EPHB1: variants seen among roughly 807,000 people sequenced by gnomAD.
The protein encoded by EPHB1 is ephrin type-B receptor 1.
EPHB1 carries 30 observed loss-of-function variants against 94.4 expected under a neutral mutation model. The ratio of observed to expected loss-of-function variants is 0.32; its 90% CI spans 0.24 to 0.43. The LOEUF is 0.43. Ranked by LOEUF, EPHB1 falls within the 20% of genes least tolerant of loss-of-function variation. The probability of loss-of-function intolerance (pLI) is 1.00; values close to 1 mark genes in which losing one functional copy is unlikely to be tolerated. For missense variants in EPHB1, 1,055 were observed against 1,308.3 expected (o/e 0.81, Z 2.99); for synonymous variants, 522 against 489.1 (o/e 1.07, Z -0.89).
chr3:135,044,324 T>C (rs1474604635), intron 3 of EPHB1, among the ~76,000 whole-genome samples: 1 of 152,200 alleles, frequency 6.6e-6, no homozygotes, highest in Non-Finnish European at 1.5e-5. Flanking sequence ...AAGCCATGCT[T>C]TCCTGGCAGG....
chr3:134,919,142 T>C (rs531268592), intron 1 of EPHB1, among the ~76,000 whole-genome samples: 7 of 152,172 alleles, frequency 4.6e-5, no homozygotes, highest in Admixed American at 6.5e-5. Context: ...GAAAGAACCA[T>C]TGGAATATGG....
chr3:135,033,631 A>G (rs1474688175), intron 3 of EPHB1, among the ~76,000 whole-genome samples: 2 of 152,218 alleles, frequency 1.3e-5, no homozygotes, highest in Non-Finnish European at 2.9e-5. Context: ...TCTTCTTCGT[A>G]ATGGATTTTG....
At chr3:135,058,861 G>A (rs1323916899) in intron 3 of EPHB1, among the ~76,000 whole-genome samples, 3 of 152,036 alleles carry the variant, frequency 2.0e-5, no homozygotes, top group Non-Finnish European at 4.4e-5. Flanking sequence ...TTCTTATTAC[G>A]GTGTACTTTT....
intron 9 of EPHB1, among the ~76,000 whole-genome samples, chr3:135,177,227 G>A (rs766742849): frequency 1.3e-5 from 2 of 152,180 alleles, no homozygotes; most frequent in Non-Finnish European, 2.9e-5. Flanking sequence ...AGGTTTGGGG[G>A]CCCTGACCTC....
At chr3:135,191,636 A>ATTT (rs35439364) in intron 10 of EPHB1, among the ~76,000 whole-genome samples, 19 of 145,218 alleles carry the variant, frequency 1.3e-4, no homozygotes, top group Admixed American at 3.5e-4. Context: ...GATTCAACAG[A>ATTT]TTTTTTTTTT....
At position 135,077,418 on chromosome 3, in the gene EPHB1, C is replaced by A. The variant is rs1156544161; in HGVS notation, c.806-29030C>A. Among the ~76,000 whole-genome samples, 5 of 152,348 alleles carry A rather than the reference C, an allele frequency of 3.3e-5. No individual in the cohort carries two copies. In the East Asian group the frequency reaches 9.6e-4, roughly 29 times the overall value. On this transcript the variant is annotated intron_variant, in intron 3 of 15. Transcript: ENST00000398015. ...CCTTTGACTTGCAGTCACAGACTTGCCCCTCTCCCTGCTCTGATGTCAGCC... is the reference window on the plus strand; with the variant it reads ...CCTTTGACTTGCAGTCACAGACTTGACCCTCTCCCTGCTCTGATGTCAGCC...
chr3:135,115,464 G>T (rs1939655958), intron 4 of EPHB1, among the ~76,000 whole-genome samples: 2 of 152,174 alleles, frequency 1.3e-5, no homozygotes, highest in African/African-American at 4.8e-5. Context: ...CCAGGCAGGA[G>T]GAGGCCTTGC....
Position 135,259,266 on chromosome 3 carries a change from T to TTA in EPHB1, c.*146_*147insTA. ...TCAGTGAAGAATCAACCGGACCTGTTGCTAGCAGGCAATCTCCATTTCTCA... is the reference window on the plus strand; with the variant it reads ...TCAGTGAAGAATCAACCGGACCTGTTTAGCTAGCAGGCAATCTCCATTTCTCA... On this transcript the variant is annotated 3_prime_UTR_variant, in exon 16 of 16. Transcript: ENST00000398015. 1 of 587,616 alleles carries TTA rather than the reference T, an allele frequency of 1.7e-6. No homozygotes were observed. The highest frequency in any genetic ancestry group is 2.9e-6 in the Non-Finnish European group (1 of 341,684). 36.4% of individuals were successfully genotyped at this position (587,616 alleles called of 1,614,324 possible). A position where few individuals can be genotyped will look rare whatever the true frequency, so the allele number is the denominator to read the frequency against.
chr3:134,889,521 T>C (rs993680707), intron 1 of EPHB1, among the ~76,000 whole-genome samples: 4 of 152,106 alleles, frequency 2.6e-5, no homozygotes, highest in Non-Finnish European at 5.9e-5. Context: ...ATTTCTAAAC[T>C]GTATATTTTA....
intron 3 of EPHB1, among the ~76,000 whole-genome samples, chr3:135,044,456 G>C (rs2107767762): frequency 6.6e-6 from 1 of 152,318 alleles, no homozygotes; most frequent in African/African-American, 2.4e-5. Context: ...CTGCTGACTA[G>C]TGTGCTGCAA....
At chr3:134,990,224 C>A (rs927472292) in intron 3 of EPHB1, among the ~76,000 whole-genome samples, 17 of 152,320 alleles carry the variant, frequency 1.1e-4, no homozygotes, top group Admixed American at 9.2e-4. Context: ...AAGTCTGAAG[C>A]TAACCTATGT....
At chr3:135,033,638 T>C (rs532483164) in intron 3 of EPHB1, among the ~76,000 whole-genome samples, 1 of 152,322 alleles carries the variant, frequency 6.6e-6, no homozygotes, top group South Asian at 2.1e-4. Flanking sequence ...CGTAATGGAT[T>C]TTGATCGCCT....
chr3:135,022,062 C>T (rs1936003288), intron 3 of EPHB1, among the ~76,000 whole-genome samples: 1 of 152,206 alleles, frequency 6.6e-6, no homozygotes, highest in East Asian at 1.9e-4. Flanking sequence ...TCACTGCAAG[C>T]TCTGCCTCCT....
intron 6 of EPHB1, among the ~76,000 whole-genome samples, chr3:135,155,541 C>T (rs1941325728): frequency 6.6e-6 from 1 of 152,040 alleles, no homozygotes; most frequent in Non-Finnish European, 1.5e-5. Flanking sequence ...CAGTGGCTCA[C>T]ACCTGCAATC....
intron 1 of EPHB1, among the ~76,000 whole-genome samples, chr3:134,813,083 G>A (rs1055205684): frequency 6.6e-6 from 1 of 152,176 alleles, no homozygotes; most frequent in Admixed American, 6.5e-5. Flanking sequence ...CTCATTCCTG[G>A]AAGTGGGGAA....
chr3:135,018,487 C>T (rs1209240630), intron 3 of EPHB1, among the ~76,000 whole-genome samples: 1 of 152,164 alleles, frequency 6.6e-6, no homozygotes, highest in East Asian at 1.9e-4. Flanking sequence ...CTCCCTTTCT[C>T]AGCCCACTGC....
At chr3:135,073,454 T>C (rs1937794620) in intron 3 of EPHB1, among the ~76,000 whole-genome samples, 1 of 152,220 alleles carries the variant, frequency 6.6e-6, no homozygotes, top group Admixed American at 6.5e-5. Context: ...CCAAGACCAA[T>C]CTGGCTTTAA....
intron 1 of EPHB1, among the ~76,000 whole-genome samples, chr3:134,799,411 G>GA (rs2035893203): frequency 6.6e-6 from 1 of 152,230 alleles, no homozygotes; most frequent in African/African-American, 2.4e-5. Context: ...GCAAATTTGA[G>GA]AAAATTCCAT....
At chr3:134,896,150 G>A (rs1294389277) in intron 1 of EPHB1, among the ~76,000 whole-genome samples, 2 of 151,922 alleles carry the variant, frequency 1.3e-5, no homozygotes, top group Non-Finnish European at 2.9e-5. Flanking sequence ...TGAGGCCAGG[G>A]GCTAAGCTCT....
Sources: allele counts gnomAD v4.1 joint callset (sites outside exome capture counted in the v4.1 genomes callset), GRCh38; gene constraint gnomAD v4.1.1; transcripts MANE v1.5; gene names NCBI Gene and HGNC (gene_info 2026-07-23, HGNC 2026-07-21).